The following LRRTM3 variants were observed in gnomAD, a reference collection of about 807,000 sequenced individuals.
LRRTM3 encodes the protein leucine-rich repeat transmembrane neuronal protein 3.
Under a neutral mutation model 44.7 loss-of-function variants are expected in LRRTM3, and 24 were observed. The ratio of observed to expected loss-of-function variants is 0.54; its 90% CI spans 0.39 to 0.76. The LOEUF (loss-of-function observed/expected upper bound fraction) is 0.76, where lower values mean the gene tolerates loss of function less well. Ranked by LOEUF, LRRTM3 falls within the 30% of genes least tolerant of loss-of-function variation. LRRTM3 has a pLI of 0.00. For synonymous variants in LRRTM3, 277 were observed against 278.7 expected, an observed-to-expected ratio of 0.99 and a Z score of 0.06; for missense variants, 587 against 702.2, an observed-to-expected ratio of 0.84 and a Z score of 1.85.
intron 2 of LRRTM3, among the ~76,000 whole-genome samples, chr10:67,060,164 T>C (rs1219766322): frequency 6.6e-6 from 1 of 151,740 alleles, no homozygotes; most frequent in Non-Finnish European, 1.5e-5. Context: ...AAAAAATACA[T>C]AAAATTAGCT....
chr10:66,970,502 TGGG>T (rs11367465), intron 2 of LRRTM3, among the ~76,000 whole-genome samples: 1 of 138,522 alleles, frequency 7.2e-6, no homozygotes, highest in Non-Finnish European at 1.6e-5. Flanking sequence ...TATTCTTGGG[TGGG>T]GGGGGGATAC....
At chr10:66,934,760 T>C (rs1847596528) in intron 2 of LRRTM3, among the ~76,000 whole-genome samples, 1 of 152,170 alleles carries the variant, frequency 6.6e-6, no homozygotes, top group Non-Finnish European at 1.5e-5. Flanking sequence ...AAATATAGTT[T>C]TTTTGGCCTG....
intron 2 of LRRTM3, among the ~76,000 whole-genome samples, chr10:66,959,642 C>T (rs1849010676): frequency 6.6e-6 from 1 of 152,154 alleles, no homozygotes; most frequent in Non-Finnish European, 1.5e-5. Context: ...ATTCCACAAC[C>T]TTATTTGTGC....
chr10:67,092,777 G>C (rs1447333788), intron 2 of LRRTM3, among the ~76,000 whole-genome samples: 1 of 151,888 alleles, frequency 6.6e-6, no homozygotes, highest in Non-Finnish European at 1.5e-5. Flanking sequence ...ATGTTGATAC[G>C]AGACAGTGAT....
chr10:66,947,362 C>T (rs1005607032), intron 2 of LRRTM3, among the ~76,000 whole-genome samples: 2 of 152,210 alleles, frequency 1.3e-5, no homozygotes, highest in African/African-American at 4.8e-5. Flanking sequence ...GCTGGTTTTA[C>T]TATTAGAACA....
intron 2 of LRRTM3, among the ~76,000 whole-genome samples, chr10:66,970,365 A>G (rs191559527): frequency 4.6e-4 from 70 of 152,220 alleles, no homozygotes; most frequent in Admixed American, 2.1e-3. Flanking sequence ...CTGCATACAC[A>G]GTCAGCTTCT....
intron 2 of LRRTM3, among the ~76,000 whole-genome samples, chr10:66,997,818 A>C (rs548133264): frequency 6.6e-6 from 1 of 152,256 alleles, no homozygotes; most frequent in East Asian, 1.9e-4. Flanking sequence ...TGGCTCAACT[A>C]TCCACAAAAT....
chr10:67,092,164 A>G (rs1180791790), intron 2 of LRRTM3, among the ~76,000 whole-genome samples: 1 of 152,008 alleles, frequency 6.6e-6, no homozygotes, highest in African/African-American at 2.4e-5. Flanking sequence ...ATCAAAAATG[A>G]TATTTACAAA....
intron 2 of LRRTM3, among the ~76,000 whole-genome samples, chr10:67,029,365 G>A (rs780181058): frequency 7.2e-5 from 11 of 152,260 alleles, no homozygotes; most frequent in South Asian, 2.1e-4. Flanking sequence ...TTTGGAGCTG[G>A]TTCAGAGCAG....
At chr10:66,981,777 A>G (rs1394893308) in intron 2 of LRRTM3, among the ~76,000 whole-genome samples, 3 of 152,234 alleles carry the variant, frequency 2.0e-5, no homozygotes, top group Non-Finnish European at 2.9e-5. Flanking sequence ...CAGTACCTGT[A>G]TGGAGAAACT....
chr10:67,001,180 A>C (rs1851663903), intron 2 of LRRTM3, among the ~76,000 whole-genome samples: 1 of 151,586 alleles, frequency 6.6e-6, no homozygotes, highest in Non-Finnish European at 1.5e-5. Flanking sequence ...GTGTGCCTGT[A>C]ATCCCAGCTA....
chr10:66,976,080 CTTACTG>C (rs1850012223), intron 2 of LRRTM3, among the ~76,000 whole-genome samples: 2 of 151,718 alleles, frequency 1.3e-5, no homozygotes, highest in African/African-American at 4.8e-5. Flanking sequence ...TTGTTGAATA[CTTACTG>C]TTAGGTGCTA....
At chr10:67,026,955 C>A (rs1317515324) in intron 2 of LRRTM3, among the ~76,000 whole-genome samples, 1 of 152,126 alleles carries the variant, frequency 6.6e-6, no homozygotes, top group African/African-American at 2.4e-5. Context: ...CTTCTTTATT[C>A]TGTATAAGAC....
intron 2 of LRRTM3, among the ~76,000 whole-genome samples, chr10:66,995,810 C>T (rs575940280): frequency 6.6e-6 from 1 of 152,256 alleles, no homozygotes; most frequent in East Asian, 1.9e-4. Flanking sequence ...CTAATACAAG[C>T]ATTACTGCCT....
intron 2 of LRRTM3, among the ~76,000 whole-genome samples, chr10:66,997,952 A>AC (rs1851451135): frequency 6.6e-6 from 1 of 152,076 alleles, no homozygotes; most frequent in Admixed American, 6.6e-5. Flanking sequence ...CTTCAAGTTC[A>AC]CTACCACTGC....
intron 2 of LRRTM3, among the ~76,000 whole-genome samples, chr10:67,026,149 C>G (rs1030422735): frequency 1.3e-5 from 2 of 150,504 alleles, no homozygotes; most frequent in African/African-American, 4.9e-5. Context: ...AGGAGATATA[C>G]CTAATGCTAA....
chr10:67,024,031 A>G (rs1020800497), intron 2 of LRRTM3, among the ~76,000 whole-genome samples: 1 of 152,252 alleles, frequency 6.6e-6, no homozygotes, highest in African/African-American at 2.4e-5. Flanking sequence ...TTAGTGGTTT[A>G]AAACAACACA....
chr10:67,086,559 G>C lies in LRRTM3; in HGVS notation c.1537-11028G>C, dbSNP rs993794277. On this transcript the variant is annotated intron_variant, in intron 2 of 2. Transcript: ENST00000361320. ...GCAGGACAAACTATTTTTAGATGAGGCATGTCAAAAACGTAGTCTGTTTTA... is the reference window on the plus strand; with the variant it reads ...GCAGGACAAACTATTTTTAGATGAGCCATGTCAAAAACGTAGTCTGTTTTA... Among the ~76,000 whole-genome samples, 48 of 152,026 alleles carry C rather than the reference G, an allele frequency of 3.2e-4. 1 individual carries two copies. Among genetic ancestry groups the C allele is most frequent in the African/African-American group, 1.0e-3 (42 of 41,516 alleles).
chr10:66,987,845 T>C (rs985945228), intron 2 of LRRTM3, among the ~76,000 whole-genome samples: 12 of 152,190 alleles, frequency 7.9e-5, no homozygotes, highest in Admixed American at 7.9e-4. Flanking sequence ...ATCAGTGGCT[T>C]TACAATTTAA....
Sources: allele counts gnomAD v4.1 joint callset (sites outside exome capture counted in the v4.1 genomes callset), GRCh38; gene constraint gnomAD v4.1.1; transcripts MANE v1.5; gene names NCBI Gene and HGNC (gene_info 2026-07-23, HGNC 2026-07-21).